Variants in ZNF462 observed in about 807,000 individuals in gnomAD.
The protein encoded by ZNF462 is zinc finger protein 462.
ZNF462 carries 10 observed loss-of-function variants against 201.9 expected under a neutral mutation model. The observed-to-expected ratio is 0.05, with a 90% CI of 0.03 to 0.08. The LOEUF is 0.08. Among genes scored for constraint, ZNF462 ranks in the 10% least tolerant of loss-of-function variants. The pLI is 1.00. For missense variants in ZNF462, 2,523 were observed against 3,168.3 expected, an observed-to-expected ratio of 0.80 and a Z score of 4.89; for synonymous variants, 1,227 against 1,193.3, an observed-to-expected ratio of 1.03 and a Z score of -0.58.
At position 106,950,245 on chromosome 9, in the gene ZNF462, T is replaced by G. The variant is rs1004269606; in HGVS notation, c.6427+11138T>G. ...ATAAATTTGAGCTGAGTCAGACTTATCCCTATGTAATGTCAGTTTACACCT... is the reference window on the plus strand; with the variant it reads ...ATAAATTTGAGCTGAGTCAGACTTAGCCCTATGTAATGTCAGTTTACACCT... On this transcript the variant is annotated intron_variant, in intron 7 of 12. Transcript: ENST00000277225. This position sits in a 1 kb window ranked among gnomAD's most constrained non-coding sequence, Gnocchi z 4.1. 6.6e-6 allele frequency among the ~76,000 whole-genome samples: 1 copy of G among 152,234 alleles called. No individual in the cohort carries two copies. Among genetic ancestry groups the G allele is most frequent in the Non-Finnish European group, 1.5e-5 (1 of 68,036 alleles).
chr9:106,986,140 G>A (rs982066276), intron 10 of ZNF462, among the ~76,000 whole-genome samples: 1 of 152,174 alleles, frequency 6.6e-6, no homozygotes, highest in African/African-American at 2.4e-5. Flanking sequence ...TTCTTCTCTA[G>A]TTGTTGCACG....
intron 1 of ZNF462, among the ~76,000 whole-genome samples, chr9:106,884,305 C>CAGGAAGT (rs1828226682): frequency 6.6e-6 from 1 of 152,056 alleles, no homozygotes. Context: ...AGTTGACATG[C>CAGGAAGT]AGGAAGTAGG....
chr9:106,875,028 C>T (rs577162171), intron 1 of ZNF462, among the ~76,000 whole-genome samples: 1 of 152,302 alleles, frequency 6.6e-6, no homozygotes, highest in Non-Finnish European at 1.5e-5. Context: ...TAATTATATT[C>T]ATAACCCCAT....
chr9:106,892,703 C>T (rs983416678), intron 1 of ZNF462, among the ~76,000 whole-genome samples: 2 of 127,966 alleles, frequency 1.6e-5, no homozygotes, highest in East Asian at 2.0e-4. Flanking sequence ...CACACACACA[C>T]GCACACACAC....
chr9:106,909,689 CT>C (rs1829461444), intron 1 of ZNF462, among the ~76,000 whole-genome samples: 1 of 152,078 alleles, frequency 6.6e-6, no homozygotes, highest in Non-Finnish European at 1.5e-5. Flanking sequence ...CACTTTTTTT[CT>C]GTCATCAAAT....
intron 1 of ZNF462, among the ~76,000 whole-genome samples, chr9:106,867,634 G>GA (rs1215783527): frequency 1.3e-5 from 2 of 151,406 alleles, no homozygotes; most frequent in Admixed American, 6.6e-5. Flanking sequence ...GACAGCAGAA[G>GA]AAAAAAAATC....
intron 7 of ZNF462, among the ~76,000 whole-genome samples, chr9:106,941,361 T>G (rs542212520): frequency 7.2e-5 from 11 of 152,294 alleles, no homozygotes; most frequent in African/African-American, 2.4e-4. Context: ...CTAATCTATT[T>G]GTGGAGTGAT....
chr9:106,904,042 G>A (rs1357908245), intron 1 of ZNF462, among the ~76,000 whole-genome samples: 1 of 152,066 alleles, frequency 6.6e-6, no homozygotes, highest in Admixed American at 6.5e-5. Context: ...TGTGATTTAT[G>A]TTTTAAAGAG....
intron 9 of ZNF462, among the ~76,000 whole-genome samples, chr9:106,982,228 C>A (rs2132230251): frequency 6.6e-6 from 1 of 152,282 alleles, no homozygotes; most frequent in Admixed American, 6.5e-5. Context: ...CAGCTGAGGT[C>A]AATTTGCCTC....
chr9:106,937,224 GA>G (rs1830667908), intron 6 of ZNF462, among the ~76,000 whole-genome samples: 1 of 151,988 alleles, frequency 6.6e-6, no homozygotes. Flanking sequence ...AGAAAAAAAT[GA>G]AAAAATAGAA....
chr9:106,986,160 A>C (rs1827818177), intron 10 of ZNF462, among the ~76,000 whole-genome samples: 1 of 152,186 alleles, frequency 6.6e-6, no homozygotes. Flanking sequence ...GGTAGCTTGC[A>C]AATCACTGAG....
rs771634911 is a variant in ZNF462, at chr9:106,943,055, C to CGTGT, written c.6427+3949_6427+3950insTGTG. On this transcript the variant is annotated intron_variant, in intron 7 of 12. Coordinates refer to ENST00000277225, the MANE Select transcript of ZNF462 (RefSeq NM_021224.6). ...GATGGTAACATAGTTTTGTTTTGCG[C>CGTGT]GCGCGTGTGTGTGTGTGTGTGTGTG... Among the ~76,000 whole-genome samples, 773 of 81,144 alleles carry CGTGT rather than the reference C, an allele frequency of 9.5e-3. 8 individuals are homozygous for CGTGT. Among genetic ancestry groups the CGTGT allele is most frequent in the African/African-American group, 0.036 (667 of 18,634 alleles). The allele number at this position is 81,144 out of a possible 152,430, so 53.2% of individuals were successfully genotyped here.
chr9:107,010,642 CAT>C lies in ZNF462; in HGVS notation c.7314-179_7314-178del, dbSNP rs1205805573. 2.6e-5 allele frequency among the ~76,000 whole-genome samples: 4 copies of C among 152,228 alleles called. No homozygotes were observed. In the East Asian group the frequency reaches 7.7e-4, roughly 29 times the overall value. ...ACAGAAATATATGACTTAAGCAAAA[CAT>C]AGCAGGGATGCATCACTTGGTATTT... On this transcript the variant is annotated intron_variant, in intron 12 of 12. Coordinates refer to ENST00000277225, the MANE Select transcript of ZNF462 (RefSeq NM_021224.6). The surrounding 1 kb of genome is among the most constrained non-coding windows in gnomAD (Gnocchi z 4.6).
At chr9:106,989,711 C>G (rs779075151) in intron 10 of ZNF462, among the ~76,000 whole-genome samples, 2 of 152,052 alleles carry the variant, frequency 1.3e-5, no homozygotes, top group Admixed American at 6.6e-5. Flanking sequence ...CCATTTCAAT[C>G]TCGCTACTTG....
In ZNF462 at chr9:106,977,402, A is replaced by G. The variant is rs138854319; in HGVS notation, c.6832+3129A>G. On this transcript the variant is annotated intron_variant, in intron 9 of 12. Coordinates refer to ENST00000277225, the MANE Select transcript of ZNF462 (RefSeq NM_021224.6). The surrounding 1 kb of genome is among the most constrained non-coding windows in gnomAD (Gnocchi z 4.6). ...AACCAACTTCTGAACTGGCCCAGAG[A>G]CAGAACTACTGCTGGCAGAAATAGA... is the stretch of plus-strand genomic sequence containing the variant. 1.1e-3 allele frequency among the ~76,000 whole-genome samples: 167 copies of G among 151,744 alleles called. 12 individuals are homozygous for G. Among genetic ancestry groups the G allele is most frequent in the African/African-American group, 3.8e-3 (157 of 40,992 alleles).
chr9:106,959,416 T>C (rs1471744897), intron 7 of ZNF462, among the ~76,000 whole-genome samples: 1 of 152,126 alleles, frequency 6.6e-6, no homozygotes, highest in Admixed American at 6.6e-5. Flanking sequence ...AAACACTTAC[T>C]TGGTGCAGAA....
intron 7 of ZNF462, among the ~76,000 whole-genome samples, chr9:106,940,370 G>A (rs1233353895): frequency 6.6e-6 from 1 of 152,158 alleles, no homozygotes; most frequent in African/African-American, 2.4e-5. Flanking sequence ...TTTAATGTGT[G>A]TGTTTAAAAC....
chr9:106,956,626 TA>T (rs34267286), intron 7 of ZNF462, among the ~76,000 whole-genome samples: 37,895 of 152,088 alleles, frequency 0.25, 6,827 homozygotes, highest in African/African-American at 0.52. Flanking sequence ...CTTCTTCCAA[TA>T]AAAGTCTGTG....
rs34808503 is a variant in ZNF462 at position 106,926,183 on chromosome 9, C to T, written c.2271C>T (p.Ala757=). The change falls in exon 3 of 13, where the codon GCC becomes GCT. Residue 757 remains alanine (A), a synonymous_variant. Coordinates refer to ENST00000277225, the MANE Select transcript of ZNF462 (RefSeq NM_021224.6). The surrounding 1 kb of genome is among the most constrained non-coding windows in gnomAD (Gnocchi z 7.9). Reference sequence around the variant, plus strand: ...TAGAGGTTCCCACTTCCTTTTCTGCCCAACAGATATGGGTAAGAGATACCA... The same window carrying T: ...TAGAGGTTCCCACTTCCTTTTCTGCTCAACAGATATGGGTAAGAGATACCA... The part of the protein sequence containing the change: ...PIIEVPTSFS[A]QQIWVRDTSE... 1.9e-6 allele frequency: 3 copies of T among 1,614,108 alleles called. No homozygotes were observed. The highest frequency in any genetic ancestry group is 2.2e-5 in the South Asian group (2 of 91,072).
Sources: gnomAD v4.1 joint callset for allele counts (sites outside exome capture counted in the v4.1 genomes callset) on GRCh38, gnomAD v4.1.1 for gene constraint, Gnocchi (gnomAD v3.1) non-coding constraint, MANE v1.5 for transcripts, NCBI Gene and HGNC (gene_info 2026-07-23, HGNC 2026-07-21) for gene names.